The following GTF2IRD1 variants were observed in gnomAD, a reference collection of about 807,000 sequenced individuals.
The protein encoded by GTF2IRD1 is general transcription factor II-I repeat domain-containing protein 1.
In GTF2IRD1, 26 loss-of-function variants were observed where a neutral mutation model predicts 113.2. That is an observed-to-expected ratio of 0.23 (90% CI 0.17 to 0.32). The LOEUF is 0.32. Ranked by LOEUF, GTF2IRD1 falls within the 10% of genes least tolerant of loss-of-function variation. The probability of loss-of-function intolerance (pLI) is 1.00; values close to 1 mark genes in which losing one functional copy is unlikely to be tolerated. For missense variants in GTF2IRD1, 864 were observed against 1,280.8 expected, an observed-to-expected ratio of 0.67 and a Z score of 4.97; for synonymous variants, 484 against 529.1, an observed-to-expected ratio of 0.91 and a Z score of 1.17.
In GTF2IRD1 at chr7:74,491,353, A is replaced by G. The variant is rs1419028367; in HGVS notation, c.-6-16722A>G. Among the ~76,000 whole-genome samples, 4 of 138,060 alleles carry G rather than the reference A, an allele frequency of 2.9e-5. No homozygotes were observed. In the East Asian group the frequency reaches 8.2e-4, roughly 28 times the overall value. The allele number at this position is 138,060 out of a possible 152,430, so 90.6% of individuals were successfully genotyped here. A position where few individuals can be genotyped will look rare whatever the true frequency, so the allele number is the denominator to read the frequency against. ...TTTTTTTACTTTGAGGTTCTTGGGT[A>G]CAAGTGTGCAGGTTTGTGACATAGG... On this transcript the variant is annotated intron_variant, in intron 1 of 26. Coordinates refer to ENST00000424337, the MANE Select transcript of GTF2IRD1 (RefSeq NM_005685.4).
At chr7:74,502,592 C>G (rs1180762775) in intron 1 of GTF2IRD1, among the ~76,000 whole-genome samples, 2 of 152,196 alleles carry the variant, frequency 1.3e-5, no homozygotes, top group Non-Finnish European at 2.9e-5. Flanking sequence ...CTATGGGGGT[C>G]CCCCAGCCTG....
chr7:74,483,260 G>A (rs548174294), intron 1 of GTF2IRD1, among the ~76,000 whole-genome samples: 11 of 152,246 alleles, frequency 7.2e-5, no homozygotes, highest in African/African-American at 2.6e-4. Context: ...TCTTATTTAG[G>A]CCGGTCACAG....
At chr7:74,544,215 G>T (rs1798796912) in intron 14 of GTF2IRD1, among the ~76,000 whole-genome samples, 1 of 152,156 alleles carries the variant, frequency 6.6e-6, no homozygotes, top group Non-Finnish European at 1.5e-5. Context: ...TTTTGAGACG[G>T]AGTCTCACTC....
chr7:74,509,499 C>A (rs897025652), intron 2 of GTF2IRD1, among the ~76,000 whole-genome samples: 2 of 151,930 alleles, frequency 1.3e-5, no homozygotes, highest in Non-Finnish European at 2.9e-5. Flanking sequence ...TGCCACTGCA[C>A]TTCAGCCTGG....
At chr7:74,554,918 A>T (rs1357663635) in intron 17 of GTF2IRD1, among the ~76,000 whole-genome samples, 1 of 152,136 alleles carries the variant, frequency 6.6e-6, no homozygotes, top group African/African-American at 2.4e-5. Flanking sequence ...CAATCGTGCA[A>T]TGTCCCTGGA....
At chr7:74,508,535 CA>C (rs541743301) in intron 2 of GTF2IRD1, among the ~76,000 whole-genome samples, 1 of 151,832 alleles carries the variant, frequency 6.6e-6, no homozygotes, top group African/African-American at 2.4e-5. Context: ...ACTAAAGATA[CA>C]AAAAATTAGC....
At chr7:74,483,553 A>T (rs1209246386) in intron 1 of GTF2IRD1, among the ~76,000 whole-genome samples, 1 of 151,872 alleles carries the variant, frequency 6.6e-6, no homozygotes, top group Non-Finnish European at 1.5e-5. Flanking sequence ...CTACAAAAAA[A>T]ATTTTTAAAA....
chr7:74,557,603 A>C (rs1554357430), intron 19 of GTF2IRD1, 36 bp from the exon 20 acceptor site: 1 of 1,483,082 alleles, frequency 6.7e-7, no homozygotes, highest in East Asian at 2.3e-5. Flanking sequence ...TTTTTCACTC[A>C]ACAGCCCAAA....
At chr7:74,591,137 T>G (rs1450812206) in intron 24 of GTF2IRD1, 120 bp downstream of exon 24, 4 of 535,652 alleles carry the variant, frequency 7.5e-6, no homozygotes, top group Non-Finnish European at 9.9e-6. Context: ...AGTTCCTGCC[T>G]CTTTCTCCTG....
chr7:74,589,874 G>T lies in GTF2IRD1; in HGVS notation c.2344G>T (p.Gly782Trp). The stretch of plus-strand genomic sequence containing the variant: ...AGATGAAGATGACGCCAACAGACTC[G>T]GGGAGAAGGTGATCCTGCGGGAGCA... ...KPDEDDANRLGEKVILREQVK... is the reference protein window; with the variant it reads ...KPDEDDANRLWEKVILREQVK... Residue 782 changes from glycine to tryptophan, a missense_variant, in exon 23 of 27, where the codon GGG becomes TGG. Physicochemically the swap from Gly to Trp is radical, Grantham distance 184. Coordinates refer to ENST00000424337, the MANE Select transcript of GTF2IRD1 (RefSeq NM_005685.4). 1 of 1,611,890 alleles carries T rather than the reference G, an allele frequency of 6.2e-7. No homozygotes were observed. Among genetic ancestry groups the T allele is most frequent in the Non-Finnish European group, 8.5e-7 (1 of 1,178,172 alleles).
intron 1 of GTF2IRD1, chr7:74,506,964 C>T (rs3823880): frequency 0.11 from 17,351 of 152,188 alleles, 2,479 homozygotes; most frequent in East Asian, 0.39. Flanking sequence ...TGTATCTTTC[C>T]ATACCCCTGA....
chr7:74,489,870 T>C (rs781943608), intron 1 of GTF2IRD1, among the ~76,000 whole-genome samples: 4 of 152,198 alleles, frequency 2.6e-5, no homozygotes, highest in Non-Finnish European at 4.4e-5. Context: ...GTCCCATCTT[T>C]AGATACCAGG....
At chr7:74,549,736 T>A (rs1799182921) in intron 17 of GTF2IRD1, among the ~76,000 whole-genome samples, 2 of 151,150 alleles carry the variant, frequency 1.3e-5, no homozygotes, top group Admixed American at 1.3e-4. Context: ...TCAGGACTAC[T>A]GAAAATACAA....
chr7:74,547,920 G>A (rs1391900710), intron 17 of GTF2IRD1, among the ~76,000 whole-genome samples: 2 of 152,068 alleles, frequency 1.3e-5, no homozygotes, highest in South Asian at 2.1e-4. Flanking sequence ...GAATGGGAAC[G>A]TCCCATCAGC....
At chr7:74,598,366 TGAGGCAGG>T (rs1207781319) in intron 25 of GTF2IRD1, among the ~76,000 whole-genome samples, 1 of 151,714 alleles carries the variant, frequency 6.6e-6, no homozygotes, top group African/African-American at 2.4e-5. Context: ...TTTGGGAGGC[TGAGGCAGG>T]GAGGCAGGTG....
Position 74,601,141 on chromosome 7 carries a change from C to G in GTF2IRD1, c.2727C>G (p.Asn909Lys). The G allele has an allele frequency of 6.2e-7, 1 of 1,610,750 alleles. No homozygotes were observed. The change falls in exon 26 of 27, where the codon AAC becomes AAG. Residue 909 changes from asparagine (N) to lysine (K), a missense_variant. Transcript: ENST00000424337. ...SSSSSSSSSSNPDSVASANQI... is the reference protein window; with the variant it reads ...SSSSSSSSSSKPDSVASANQI... ...CGTCTTCCTCTTCCTCGTCCTCTAA[C>G]CCGGATTCAGTGGCATCGGCCAACC... is the stretch of plus-strand genomic sequence containing the variant.
chr7:74,544,575 G>A (rs1299404737), intron 14 of GTF2IRD1, among the ~76,000 whole-genome samples, 180 bp from the exon 15 acceptor site: 3 of 152,204 alleles, frequency 2.0e-5, no homozygotes, highest in Non-Finnish European at 4.4e-5. Context: ...CTGCTTTCGT[G>A]TGAAGGCCAG....
chr7:74,459,915 C>T (rs888197745), intron 1 of GTF2IRD1, among the ~76,000 whole-genome samples: 6 of 149,866 alleles, frequency 4.0e-5, no homozygotes, highest in East Asian at 3.9e-4. Flanking sequence ...AGTGGAGGCC[C>T]CGGGGATGAT....
At chr7:74,461,369 CTT>C (rs1793353334) in intron 1 of GTF2IRD1, among the ~76,000 whole-genome samples, 1 of 152,230 alleles carries the variant, frequency 6.6e-6, no homozygotes, top group Non-Finnish European at 1.5e-5. Context: ...GGGTAGGCCT[CTT>C]TGCTGGCTGG....
Sources: gnomAD v4.1 joint callset for allele counts (sites outside exome capture counted in the v4.1 genomes callset) on GRCh38, gnomAD v4.1.1 for gene constraint, MANE v1.5 for transcripts, NCBI Gene and HGNC (gene_info 2026-07-23, HGNC 2026-07-21) for gene names.